The following PLPP3 variants were observed in gnomAD, a reference collection of about 807,000 sequenced individuals.
The protein encoded by PLPP3 is phospholipid phosphatase 3, also known as PAP2 beta.
Under a neutral mutation model 29.6 loss-of-function variants are expected in PLPP3, and 6 were observed. The observed-to-expected ratio is 0.20, with a 90% CI of 0.11 to 0.40. PLPP3 has a LOEUF of 0.40. Ranked by LOEUF, PLPP3 falls within the 10% of genes least tolerant of loss-of-function variation. The probability of loss-of-function intolerance (pLI) is 1.00; values close to 1 mark genes in which losing one functional copy is unlikely to be tolerated. For missense variants in PLPP3, 308 were observed against 407.7 expected (o/e 0.76, Z 2.11); for synonymous variants, 152 against 159.7 (o/e 0.95, Z 0.36).
At chr1:56,504,087 T>G (rs920617889) in intron 5 of PLPP3, among the ~76,000 whole-genome samples, 4 of 152,212 alleles carry the variant, frequency 2.6e-5, no homozygotes, top group African/African-American at 9.6e-5. Flanking sequence ...TGAAGGACTA[T>G]TCACATCATC....
intron 1 of PLPP3, among the ~76,000 whole-genome samples, chr1:56,559,590 CT>C (rs747854664): frequency 6.2e-4 from 91 of 146,674 alleles, no homozygotes; most frequent in Admixed American, 1.9e-3. Flanking sequence ...GAATATATTA[CT>C]GTGCTTTGGC....
In PLPP3 at chr1:56,574,776, T is replaced by C. The variant is rs118082267; in HGVS notation, c.139+4102A>G. ...TAAGCTAATTTTCAACATTAATTCTTTGGTCATACATATATAACAATTCAA... is the reference window on the plus strand; with the variant it reads ...TAAGCTAATTTTCAACATTAATTCTCTGGTCATACATATATAACAATTCAA... On this transcript the variant is annotated intron_variant, in intron 1 of 5. Transcript: ENST00000371250. 5.3e-4 allele frequency among the ~76,000 whole-genome samples: 80 copies of C among 152,308 alleles called. 1 individual carries two copies. The East Asian group carries it at 0.01, about 19-fold the overall frequency.
intron 1 of PLPP3, among the ~76,000 whole-genome samples, chr1:56,562,739 TCA>T (rs1485598197): frequency 6.6e-6 from 1 of 152,148 alleles, no homozygotes; most frequent in Non-Finnish European, 1.5e-5. Flanking sequence ...TCTCTTAGAC[TCA>T]ATATTTTTAA....
chr1:56,571,708 C>A (rs575337361), intron 1 of PLPP3, among the ~76,000 whole-genome samples: 27 of 152,234 alleles, frequency 1.8e-4, no homozygotes, highest in African/African-American at 6.0e-4. Context: ...CCAATAATAT[C>A]CTTAAGACCA....
At chr1:56,557,977 C>T (rs1175432897) in intron 1 of PLPP3, among the ~76,000 whole-genome samples, 5 of 152,182 alleles carry the variant, frequency 3.3e-5, no homozygotes, top group Non-Finnish European at 7.3e-5. Flanking sequence ...TGAGCTTGAA[C>T]CCCCTTGCTT....
chr1:56,519,048 A>G (rs1645801385), intron 4 of PLPP3, among the ~76,000 whole-genome samples: 1 of 151,390 alleles, frequency 6.6e-6, no homozygotes, highest in Non-Finnish European at 1.5e-5. Flanking sequence ...GGGTGCGGGG[A>G]GAACAGCAGC....
chr1:56,500,266 C>T (rs909961941), intron 5 of PLPP3, among the ~76,000 whole-genome samples: 2 of 152,130 alleles, frequency 1.3e-5, no homozygotes, highest in African/African-American at 4.8e-5. Flanking sequence ...GTTAGACAGC[C>T]AGGTAAACAG....
At chr1:56,564,525 T>C (rs569277826) in intron 1 of PLPP3, among the ~76,000 whole-genome samples, 50 of 152,360 alleles carry the variant, frequency 3.3e-4, no homozygotes, top group Non-Finnish European at 6.9e-4. Context: ...AATAAATCCT[T>C]GGATTTCACA....
intron 1 of PLPP3, among the ~76,000 whole-genome samples, chr1:56,554,633 T>C (rs1569590480): frequency 6.6e-6 from 1 of 151,748 alleles, no homozygotes; most frequent in East Asian, 1.9e-4. Flanking sequence ...ATGGAAAGTA[T>C]TGTTATTATT....
chr1:56,510,892 G>C (rs1380397364), intron 5 of PLPP3, among the ~76,000 whole-genome samples: 3 of 152,172 alleles, frequency 2.0e-5, no homozygotes, highest in Admixed American at 6.5e-5. Context: ...TTTCAATCCA[G>C]AGTGTTAAGT....
intron 1 of PLPP3, among the ~76,000 whole-genome samples, chr1:56,559,393 C>A (rs1467337034): frequency 2.0e-5 from 3 of 147,336 alleles, no homozygotes; most frequent in African/African-American, 5.0e-5. Flanking sequence ...AAGCAAGGGG[C>A]TATTCCTTTT....
chr1:56,496,521 T>C lies in PLPP3; in HGVS notation c.*30A>G. The C allele has an allele frequency of 1.2e-6, 2 of 1,612,020 alleles. No homozygotes were observed. The highest frequency in any genetic ancestry group is 1.1e-5 in the South Asian group (1 of 90,900). On this transcript the variant is annotated 3_prime_UTR_variant, in exon 6 of 6. Coordinates refer to ENST00000371250, the MANE Select transcript of PLPP3 (RefSeq NM_003713.5). ...AAGAACTTGCTGTCAGCAGTCATTTTACAAAAACAGCTCAGGAGGTGGGTG... is the reference window on the plus strand; with the variant it reads ...AAGAACTTGCTGTCAGCAGTCATTTCACAAAAACAGCTCAGGAGGTGGGTG...
At chr1:56,519,591 G>A (rs532789113) in intron 4 of PLPP3, among the ~76,000 whole-genome samples, 1 of 152,250 alleles carries the variant, frequency 6.6e-6, no homozygotes, top group Non-Finnish European at 1.5e-5. Flanking sequence ...GCATGAATTG[G>A]TGTCTGCCCT....
chr1:56,573,542 C>T lies in PLPP3; in HGVS notation c.139+5336G>A, dbSNP rs145531481. 4.4e-3 allele frequency among the ~76,000 whole-genome samples: 668 copies of T among 152,194 alleles called. 3 individuals carry two copies. Among genetic ancestry groups the T allele is most frequent in the African/African-American group, 0.015 (632 of 41,512 alleles). ...CTAAAATTGGCCTGATAAGAATCAC[C>T]GGCAGCGTTTATAAAACACAGAATC... On this transcript the variant is annotated intron_variant, in intron 1 of 5. Coordinates refer to ENST00000371250, the MANE Select transcript of PLPP3 (RefSeq NM_003713.5).
rs1557506871 is a variant in PLPP3 at position 56,536,943 on chromosome 1, CTG to C, written c.297+10_297+11del. On this transcript the variant is annotated intron_variant, in intron 2 of 5. Coordinates refer to ENST00000371250, the MANE Select transcript of PLPP3 (RefSeq NM_003713.5). ...CAGACAGGATCCACCATAGCAGAGTCTGGACACTTACCGCGAGGATGGCAATG... is the reference window on the plus strand; with the variant it reads ...CAGACAGGATCCACCATAGCAGAGTCGACACTTACCGCGAGGATGGCAATG... The C allele has an allele frequency of 1.2e-6, 2 of 1,613,440 alleles. No homozygotes were observed. The highest frequency in any genetic ancestry group is 2.2e-5 in the South Asian group (2 of 91,024).
At chr1:56,499,635 G>C (rs1204698013) in intron 5 of PLPP3, among the ~76,000 whole-genome samples, 4 of 152,202 alleles carry the variant, frequency 2.6e-5, no homozygotes, top group Non-Finnish European at 5.9e-5. Context: ...GAGGTGAAAA[G>C]TTGAGTCAGG....
intron 4 of PLPP3, among the ~76,000 whole-genome samples, chr1:56,517,727 T>C (rs1239186092): frequency 6.6e-6 from 1 of 152,272 alleles, no homozygotes; most frequent in Non-Finnish European, 1.5e-5. Context: ...ACTGGACCTC[T>C]GTCTTTGGAG....
chr1:56,568,253 C>CA (rs966033671), intron 1 of PLPP3, among the ~76,000 whole-genome samples: 88 of 147,860 alleles, frequency 6.0e-4, no homozygotes, highest in Middle Eastern at 3.5e-3. Flanking sequence ...TACTAAAAAC[C>CA]AAAAAAAAAG....
rs202227786 is a variant in PLPP3, at chr1:56,524,452, G to C, written c.400C>G (p.Leu134Val). 3 of 1,614,144 alleles carry C rather than the reference G, an allele frequency of 1.9e-6. No homozygotes were observed. Among genetic ancestry groups the C allele is most frequent in the East Asian group, 2.2e-5 (1 of 44,880 alleles). ...GACTGGCTGATGGCACAGCCAAAGA[G>C]GAAGCAGCCCACTTGCTTATAGAGT... ...AALYKQVGCF[L>V]FGCAISQSFT... Residue 134 changes from leucine to valine, a missense_variant, in exon 3 of 6, where the codon CTC (leucine) becomes GTC (valine). Coordinates refer to ENST00000371250, the MANE Select transcript of PLPP3 (RefSeq NM_003713.5). This position sits in a 1 kb window ranked among gnomAD's most constrained non-coding sequence, Gnocchi z 4.3.
Sources: allele counts gnomAD v4.1 joint callset (sites outside exome capture counted in the v4.1 genomes callset), GRCh38; gene constraint gnomAD v4.1.1; non-coding constraint Gnocchi (gnomAD v3.1); transcripts MANE v1.5; gene names NCBI Gene and HGNC (gene_info 2026-07-23, HGNC 2026-07-21).